FKTN: variants seen among roughly 807,000 people sequenced by gnomAD.
FKTN encodes fukutin.
Under a neutral mutation model 58.6 loss-of-function variants are expected in FKTN, and 47 were observed. The observed-to-expected ratio is 0.80, with a 90% confidence interval of 0.63 to 1.02. FKTN has a LOEUF of 1.02. Ranked by LOEUF, FKTN falls within the 50% of genes least tolerant of loss-of-function variation. The probability of loss-of-function intolerance (pLI) is 0.00; values close to 1 mark genes in which losing one functional copy is unlikely to be tolerated. For missense variants in FKTN, 516 were observed against 537.3 expected, an observed-to-expected ratio of 0.96 and a Z score of 0.39; for synonymous variants, 178 against 191.9, an observed-to-expected ratio of 0.93 and a Z score of 0.60.
chr9:105,566,674 G>C (rs1839684332), intron 1 of FKTN, among the ~76,000 whole-genome samples: 1 of 152,046 alleles, frequency 6.6e-6, no homozygotes, highest in Non-Finnish European at 1.5e-5. Flanking sequence ...ACCAAAAAAA[G>C]TCCAGGACCA....
chr9:105,578,934 C>G (rs1175284555), intron 3 of FKTN, among the ~76,000 whole-genome samples: 1 of 151,986 alleles, frequency 6.6e-6, no homozygotes, highest in African/African-American at 2.4e-5. Context: ...TCCATTTCTT[C>G]TAGATTTTCT....
intron 10 of FKTN, among the ~76,000 whole-genome samples, chr9:105,634,012 C>A (rs1035429588): frequency 6.6e-5 from 10 of 152,180 alleles, no homozygotes; most frequent in African/African-American, 2.4e-4. Context: ...GAATATAGAG[C>A]AGAGCTATAA....
At chr9:105,592,558 A>C (rs1356293197) in intron 3 of FKTN, among the ~76,000 whole-genome samples, 2 of 152,138 alleles carry the variant, frequency 1.3e-5, no homozygotes, top group Non-Finnish European at 2.9e-5. Flanking sequence ...AATTGCTTGA[A>C]ACTGGATAGC....
chr9:105,603,790 C>A, intron 5 of FKTN: 1 of 245,074 alleles, frequency 4.1e-6, no homozygotes, highest in Non-Finnish European at 8.1e-6. Flanking sequence ...CCTCCTGGCT[C>A]AGACCCCCAA....
intron 7 of FKTN, 114 bp downstream of exon 7, chr9:105,608,065 T>C: frequency 1.2e-6 from 1 of 826,660 alleles, no homozygotes; most frequent in Middle Eastern, 3.2e-4. Flanking sequence ...TAAACATCCT[T>C]TTTTGATATG....
chr9:105,596,254 G>A (rs1362620633), intron 3 of FKTN, among the ~76,000 whole-genome samples: 1 of 152,160 alleles, frequency 6.6e-6, no homozygotes, highest in African/African-American at 2.4e-5. Flanking sequence ...ATGGCAATAT[G>A]TTGAGATTGC....
chr9:105,605,459 T>C (rs747083910), intron 6 of FKTN, among the ~76,000 whole-genome samples: 19 of 152,188 alleles, frequency 1.2e-4, no homozygotes, highest in Non-Finnish European at 1.9e-4. Flanking sequence ...GGAAACTGTA[T>C]TTAAGTTAAT....
At chr9:105,619,254 A>G (rs1831404792) in intron 9 of FKTN, among the ~76,000 whole-genome samples, 2 of 152,302 alleles carry the variant, frequency 1.3e-5, no homozygotes, top group South Asian at 4.1e-4. Context: ...GGAGACAAAG[A>G]TGAATAAATG....
At chr9:105,567,958 A>C (rs1362295838) in intron 1 of FKTN, among the ~76,000 whole-genome samples, 1 of 152,242 alleles carries the variant, frequency 6.6e-6, no homozygotes, top group East Asian at 1.9e-4. Context: ...AGAACAATGG[A>C]ACAGAACGGA....
At chr9:105,572,952 G>A (rs1418280474) in intron 1 of FKTN, among the ~76,000 whole-genome samples, 2 of 152,110 alleles carry the variant, frequency 1.3e-5, no homozygotes, top group African/African-American at 4.8e-5. Flanking sequence ...AAGTAGATGA[G>A]GACTGGGTGC....
At chr9:105,629,797 T>C (rs1833175030) in intron 10 of FKTN, among the ~76,000 whole-genome samples, 1 of 152,156 alleles carries the variant, frequency 6.6e-6, no homozygotes, top group Admixed American at 6.5e-5. Context: ...CCAACCCAAA[T>C]GTCCATCAAT....
chr9:105,597,798 G>A (rs1157686866), intron 4 of FKTN, among the ~76,000 whole-genome samples: 1 of 152,080 alleles, frequency 6.6e-6, no homozygotes, highest in Non-Finnish European at 1.5e-5. Context: ...GATACTTAGA[G>A]AAACATATAT....
chr9:105,625,957 C>T (rs1322302448), intron 10 of FKTN, among the ~76,000 whole-genome samples: 1 of 152,046 alleles, frequency 6.6e-6, no homozygotes, highest in Non-Finnish European at 1.5e-5. Flanking sequence ...TTTAGTTTTA[C>T]CTGTTTTTTT....
intron 6 of FKTN, among the ~76,000 whole-genome samples, chr9:105,605,343 T>C (rs1828704749): frequency 6.6e-6 from 1 of 152,158 alleles, no homozygotes; most frequent in African/African-American, 2.4e-5. Flanking sequence ...GTAAGACTAA[T>C]TTATTTTCCC....
chr9:105,599,055 A>C (rs1827346147), intron 4 of FKTN, among the ~76,000 whole-genome samples: 2 of 152,230 alleles, frequency 1.3e-5, no homozygotes, highest in South Asian at 4.2e-4. Context: ...TATTTGTAAA[A>C]CATGTATCTC....
intron 10 of FKTN, among the ~76,000 whole-genome samples, chr9:105,620,345 G>A (rs938774965): frequency 2.6e-5 from 4 of 152,188 alleles, no homozygotes; most frequent in Non-Finnish European, 4.4e-5. Context: ...AGAACCTGAA[G>A]AGCATGGGTT....
chr9:105,586,222 A>G (rs1012372749), intron 3 of FKTN, among the ~76,000 whole-genome samples: 26 of 152,164 alleles, frequency 1.7e-4, no homozygotes, highest in African/African-American at 6.3e-4. Context: ...CATTGAAGAT[A>G]AAGAACTAGT....
In FKTN at chr9:105,559,052, C is replaced by T. The variant is rs149396973; in HGVS notation, c.-181+887C>T. Among the ~76,000 whole-genome samples the T allele has an allele frequency of 3.5e-4, 54 of 152,292 alleles. No individual in the cohort carries two copies. In the Middle Eastern group the frequency reaches 0.01, roughly 29 times the overall value. On this transcript the variant is annotated intron_variant, in intron 1 of 10. Transcript: ENST00000357998. ...CCGGGGAAATGCCGAAAGAACAATA[C>T]GCAGGACTTGATTTCTTGGATCTGG...
At chr9:105,616,207 A>G (rs1244874846) in intron 8 of FKTN, among the ~76,000 whole-genome samples, 2 of 152,354 alleles carry the variant, frequency 1.3e-5, no homozygotes, top group African/African-American at 4.8e-5. Flanking sequence ...CAGGACTACT[A>G]TAGTTGATTC....
Sources: gnomAD v4.1 joint callset for allele counts (sites outside exome capture counted in the v4.1 genomes callset) on GRCh38, gnomAD v4.1.1 for gene constraint, MANE v1.5 for transcripts, NCBI Gene and HGNC (gene_info 2026-07-23, HGNC 2026-07-21) for gene names.